GABRG2: variants seen among roughly 807,000 people sequenced by gnomAD.
GABRG2 encodes gamma-aminobutyric acid type A receptor subunit gamma2, also known as gamma-aminobutyric acid receptor subunit gamma-2.
GABRG2 carries 16 observed loss-of-function variants against 56.4 expected under a neutral mutation model. The observed-to-expected ratio is 0.28, with a 90% CI of 0.19 to 0.43. GABRG2 has a LOEUF of 0.43. GABRG2 is among the 20% of genes least tolerant of loss of function. GABRG2 has a pLI of 1.00. For missense variants in GABRG2, 327 were observed against 582.7 expected (o/e 0.56, Z 4.52); for synonymous variants, 208 against 205.5 (o/e 1.01, Z -0.10).
chr5:162,078,369 CTA>C (rs774147866), intron 1 of GABRG2, among the ~76,000 whole-genome samples: 1,991 of 53,776 alleles, frequency 0.037, 134 homozygotes, highest in Non-Finnish European at 0.044. Flanking sequence ...GAGCATCTTA[CTA>C]TATATATATA....
chr5:162,136,041 A>T (rs940415608), intron 6 of GABRG2, among the ~76,000 whole-genome samples: 1 of 152,208 alleles, frequency 6.6e-6, no homozygotes, highest in African/African-American at 2.4e-5. Context: ...TGAGAGCAAC[A>T]TATTGCAAAC....
chr5:162,112,712 C>T (rs1762338373), intron 6 of GABRG2, among the ~76,000 whole-genome samples: 1 of 152,060 alleles, frequency 6.6e-6, no homozygotes, highest in Admixed American at 6.6e-5. Flanking sequence ...TTGTGTTGCA[C>T]AACATTCTAG....
chr5:162,079,000 TTAAA>T (rs1252335543), intron 1 of GABRG2, among the ~76,000 whole-genome samples: 1 of 149,962 alleles, frequency 6.7e-6, no homozygotes. Flanking sequence ...TTTGTTTAAA[TTAAA>T]TAGATTAATA....
rs369200303 is a variant in GABRG2 at position 162,153,211 on chromosome 5, G to A, written c.1271G>A (p.Ser424Asn). The A allele has an allele frequency of 3.1e-6, 5 of 1,614,000 alleles. No individual in the cohort carries two copies. Among genetic ancestry groups the A allele is most frequent in the African/African-American group, 1.3e-5 (1 of 74,922 alleles). The change falls in exon 10 of 10, where the codon AGT (serine) becomes AAT (asparagine). Residue 424 changes from serine (S) to asparagine (N), a missense_variant. Transcript: ENST00000639213. The stretch of plus-strand genomic sequence containing the variant: ...TGTCTGGACGGCAAGGACTGTGCCA[G>A]TTTTTTCTGCTGTTTTGAAGATTGT... ...YECLDGKDCA[S>N]FFCCFEDCRT...
chr5:162,126,473 A>T (rs1023891552), intron 6 of GABRG2, among the ~76,000 whole-genome samples: 2 of 151,994 alleles, frequency 1.3e-5, no homozygotes, highest in Non-Finnish European at 2.9e-5. Flanking sequence ...GTGAGACTCC[A>T]CTTGACATCT....
At chr5:162,077,073 CTG>C (rs55938019) in intron 1 of GABRG2, among the ~76,000 whole-genome samples, 4,025 of 146,668 alleles carry the variant, frequency 0.027, 116 homozygotes, top group African/African-American at 0.07. Flanking sequence ...ACAACTACCC[CTG>C]TGTGTGTGTG....
intron 6 of GABRG2, among the ~76,000 whole-genome samples, chr5:162,134,585 CAGTT>C (rs887295462): frequency 1.3e-5 from 2 of 152,156 alleles, no homozygotes; most frequent in African/African-American, 4.8e-5. Context: ...ATCACACAAT[CAGTT>C]AGTGACAGGA....
chr5:162,090,021 A>G (rs1760435871), intron 1 of GABRG2, among the ~76,000 whole-genome samples: 1 of 152,162 alleles, frequency 6.6e-6, no homozygotes, highest in African/African-American at 2.4e-5. Flanking sequence ...GTCTCTATGC[A>G]GTATTTGTTG....
At chr5:162,103,730 A>C in intron 5 of GABRG2, 159 bp from the exon 6 acceptor site, 2 of 745,584 alleles carry the variant, frequency 2.7e-6, no homozygotes, top group Non-Finnish European at 4.5e-6. Context: ...AAGTCATTGC[A>C]ATTTATGTTC....
At position 162,148,722 on chromosome 5, in the gene GABRG2, C is replaced by G. The variant is rs373059807; in HGVS notation, c.923-386C>G. ...GTTTCTTCTTACATTTTAAGCTTTA[C>G]TTTAAACATCAACCCCTCAAAAAGG... On this transcript the variant is annotated intron_variant, in intron 7 of 9. Coordinates refer to ENST00000639213, the MANE Select transcript of GABRG2 (RefSeq NM_198904.4). 5.9e-5 allele frequency among the ~76,000 whole-genome samples: 9 copies of G among 152,288 alleles called. No homozygotes were observed. In the East Asian group the frequency reaches 1.7e-3, roughly 29 times the overall value.
intron 6 of GABRG2, among the ~76,000 whole-genome samples, chr5:162,111,715 G>C (rs893241763): frequency 5.3e-5 from 8 of 152,008 alleles, no homozygotes; most frequent in African/African-American, 1.9e-4. Flanking sequence ...GGTTTAGATG[G>C]GCTAAGTTAT....
Position 162,153,135 on chromosome 5 carries a change from A to G in GABRG2, c.1195A>G (p.Met399Val), listed in dbSNP as rs753097258. The stretch of plus-strand genomic sequence containing the variant: ...CCGCCCAAGATCAGCAACCATTCAA[A>G]TGAATAATGCTACACACCTTCAAGA... ...DIRPRSATIQ[M>V]NNATHLQERD... The change falls in exon 10 of 10, where the codon ATG (methionine) becomes GTG (valine). Residue 399 changes from methionine to valine, a missense_variant. Coordinates refer to ENST00000639213, the MANE Select transcript of GABRG2 (RefSeq NM_198904.4). The G allele has an allele frequency of 3.1e-6, 5 of 1,614,062 alleles. No homozygotes were observed. The highest frequency in any genetic ancestry group is 4.2e-6 in the Non-Finnish European group (5 of 1,179,962).
intron 7 of GABRG2, among the ~76,000 whole-genome samples, chr5:162,144,018 G>A (rs1227533828): frequency 6.6e-6 from 1 of 152,122 alleles, no homozygotes; most frequent in Non-Finnish European, 1.5e-5. Flanking sequence ...TGTGTTACAA[G>A]TCCTTCTCAA....
At chr5:162,085,108 T>C (rs1487664397) in intron 1 of GABRG2, among the ~76,000 whole-genome samples, 1 of 151,986 alleles carries the variant, frequency 6.6e-6, no homozygotes, top group Non-Finnish European at 1.5e-5. Flanking sequence ...CAATATTGTA[T>C]GTAGTGATAT....
chr5:162,078,354 T>A (rs1431963833), intron 1 of GABRG2, among the ~76,000 whole-genome samples: 2 of 140,926 alleles, frequency 1.4e-5, no homozygotes, highest in Non-Finnish European at 3.0e-5. Flanking sequence ...CAGGCATTAC[T>A]TTCAGAGCAT....
At chr5:162,149,832 T>C (rs1293462903) in intron 8 of GABRG2, 2 of 346,316 alleles carry the variant, frequency 5.8e-6, no homozygotes, top group Non-Finnish European at 1.1e-5. Flanking sequence ...CAGGCTGGTC[T>C]CGAACTCCTG....
At chr5:162,078,427 G>A (rs1315796039) in intron 1 of GABRG2, among the ~76,000 whole-genome samples, 3 of 12,894 alleles carry the variant, frequency 2.3e-4, no homozygotes, top group African/African-American at 9.8e-4. Flanking sequence ...TTTTTTTTGA[G>A]ACGGAGTCTT....
At position 162,093,576 on chromosome 5, in the gene GABRG2, A is replaced by G. The variant is rs188837720; in HGVS notation, c.108-252A>G. On this transcript the variant is annotated intron_variant, in intron 1 of 9. Transcript: ENST00000639213. The stretch of plus-strand genomic sequence containing the variant: ...GCAGAAAGAACATCAAATATGGGAA[A>G]AGTAAAAATAACTGGCAAAACATGG... Among the ~76,000 whole-genome samples the G allele has an allele frequency of 2.6e-5, 4 of 152,286 alleles. No homozygotes were observed. The East Asian group carries it at 7.7e-4, about 29-fold the overall frequency.
chr5:162,113,199 C>T (rs1292941178), intron 6 of GABRG2, among the ~76,000 whole-genome samples: 1 of 152,076 alleles, frequency 6.6e-6, no homozygotes, highest in East Asian at 1.9e-4. Context: ...CTAGGCCTCC[C>T]AAAGTTCTGG....
Sources: gnomAD v4.1 joint callset for allele counts (sites outside exome capture counted in the v4.1 genomes callset) on GRCh38, gnomAD v4.1.1 for gene constraint, MANE v1.5 for transcripts, NCBI Gene and HGNC (gene_info 2026-07-23, HGNC 2026-07-21) for gene names.